The following CHSY3 variants were observed in gnomAD, a reference collection of about 807,000 sequenced individuals.
CHSY3 encodes the protein N-acetylgalactosaminyl-proteoglycan 3-beta-glucuronosyltransferase 3.
In CHSY3, 35 loss-of-function variants were observed where a neutral mutation model predicts 67.2. The ratio of observed to expected loss-of-function variants is 0.52; its 90% confidence interval spans 0.40 to 0.69. CHSY3 has a LOEUF of 0.69. Among genes scored for constraint, CHSY3 ranks in the 30% least tolerant of loss-of-function variants. The pLI is 0.00. For missense variants in CHSY3, 1,069 were observed against 1,138.5 expected (o/e 0.94, Z 0.88); for synonymous variants, 474 against 434.7 (o/e 1.09, Z -1.12).
chr5:129,989,805 A>C (rs1763308200), intron 2 of CHSY3, among the ~76,000 whole-genome samples: 1 of 152,192 alleles, frequency 6.6e-6, no homozygotes, highest in South Asian at 2.1e-4. Context: ...TTACTTTGGT[A>C]AGTTAATGAG....
At chr5:130,148,374 A>C (rs1309123596) in intron 2 of CHSY3, among the ~76,000 whole-genome samples, 1 of 152,100 alleles carries the variant, frequency 6.6e-6, no homozygotes, top group Non-Finnish European at 1.5e-5. Flanking sequence ...ATGTGTCTTT[A>C]TGGTAGAATG....
At chr5:130,052,706 C>T (rs1282754025) in intron 2 of CHSY3, among the ~76,000 whole-genome samples, 2 of 152,060 alleles carry the variant, frequency 1.3e-5, no homozygotes, top group Non-Finnish European at 2.9e-5. Context: ...GAGCCTATGT[C>T]TTTTATCCAA....
chr5:130,063,158 T>C (rs1365528717), intron 2 of CHSY3, among the ~76,000 whole-genome samples: 13 of 152,302 alleles, frequency 8.5e-5, no homozygotes, highest in African/African-American at 2.9e-4. Context: ...TTTTTTATTG[T>C]ATGCATGTAA....
chr5:129,958,578 T>G (rs80178937), intron 2 of CHSY3, among the ~76,000 whole-genome samples: 4,145 of 152,276 alleles, frequency 0.027, 192 homozygotes, highest in African/African-American at 0.093. Flanking sequence ...TTACCCAGCC[T>G]GGAGTGCAGC....
chr5:130,169,851 A>G (rs1580796869), intron 2 of CHSY3, among the ~76,000 whole-genome samples: 1 of 152,266 alleles, frequency 6.6e-6, no homozygotes, highest in East Asian at 1.9e-4. Context: ...AAAGGGAGGT[A>G]TGATTTTATG....
chr5:129,928,822 G>T (rs1199395798), intron 2 of CHSY3, among the ~76,000 whole-genome samples: 1 of 152,014 alleles, frequency 6.6e-6, no homozygotes, highest in Non-Finnish European at 1.5e-5. Flanking sequence ...GCTGTGTACT[G>T]GGTGCTTTAA....
chr5:129,990,198 A>G, intron 2 of CHSY3, among the ~76,000 whole-genome samples: 1 of 152,168 alleles, frequency 6.6e-6, no homozygotes, highest in Non-Finnish European at 1.5e-5. Flanking sequence ...ATAATGTAAA[A>G]GAATGTCTAA....
intron 2 of CHSY3, among the ~76,000 whole-genome samples, chr5:130,020,951 A>G (rs1193245609): frequency 6.6e-6 from 1 of 152,144 alleles, no homozygotes; most frequent in African/African-American, 2.4e-5. Flanking sequence ...TCTTAAGAGA[A>G]GGAGCCATGT....
At chr5:130,051,132 C>T (rs1351221287) in intron 2 of CHSY3, among the ~76,000 whole-genome samples, 1 of 151,548 alleles carries the variant, frequency 6.6e-6, no homozygotes, top group Non-Finnish European at 1.5e-5. Context: ...ATACCAAACT[C>T]TTAACAATGG....
At chr5:129,963,197 G>A (rs183407939) in intron 2 of CHSY3, among the ~76,000 whole-genome samples, 1 of 151,938 alleles carries the variant, frequency 6.6e-6, no homozygotes, top group African/African-American at 2.4e-5. Context: ...TATTTCCCAG[G>A]CTTGGAAAGT....
intron 2 of CHSY3, among the ~76,000 whole-genome samples, chr5:129,961,864 C>T (rs573925145): frequency 2.0e-5 from 3 of 152,060 alleles, no homozygotes; most frequent in East Asian, 3.9e-4. Context: ...TCTCTATTCT[C>T]ATGCTTTTTA....
intron 2 of CHSY3, among the ~76,000 whole-genome samples, chr5:129,982,904 T>C (rs1238519030): frequency 6.6e-6 from 1 of 152,108 alleles, no homozygotes; most frequent in Non-Finnish European, 1.5e-5. Flanking sequence ...TAAGCGAATA[T>C]ACATAAAAGG....
chr5:130,059,536 A>G (rs1428963198), intron 2 of CHSY3, among the ~76,000 whole-genome samples: 1 of 151,672 alleles, frequency 6.6e-6, no homozygotes, highest in Non-Finnish European at 1.5e-5. Context: ...TCCAACTTGC[A>G]TACTCTGGGA....
chr5:130,173,155 C>T (rs540190469), intron 2 of CHSY3, among the ~76,000 whole-genome samples: 1 of 152,030 alleles, frequency 6.6e-6, no homozygotes, highest in South Asian at 2.1e-4. Context: ...AAGGCAGCAA[C>T]AAAAATTACG....
chr5:130,062,890 A>AT (rs922746525), intron 2 of CHSY3, among the ~76,000 whole-genome samples: 9 of 152,044 alleles, frequency 5.9e-5, no homozygotes, highest in Non-Finnish European at 1.2e-4. Flanking sequence ...AAAAATATAG[A>AT]TTTTTTTTAC....
At chr5:129,988,813 G>A (rs1004826422) in intron 2 of CHSY3, among the ~76,000 whole-genome samples, 7 of 152,264 alleles carry the variant, frequency 4.6e-5, no homozygotes, top group African/African-American at 1.4e-4. Flanking sequence ...TTTCTAAAAT[G>A]TGATTTTTCT....
chr5:130,160,653 A>C (rs1369143912), intron 2 of CHSY3, among the ~76,000 whole-genome samples: 2 of 152,098 alleles, frequency 1.3e-5, no homozygotes, highest in Non-Finnish European at 2.9e-5. Flanking sequence ...AATTAAATGC[A>C]ATGTCCTAAC....
intron 2 of CHSY3, among the ~76,000 whole-genome samples, chr5:129,934,303 A>G (rs1761420683): frequency 6.6e-6 from 1 of 152,244 alleles, no homozygotes; most frequent in South Asian, 2.1e-4. Flanking sequence ...TGGGGGCACT[A>G]CCTTGAACTC....
chr5:129,914,826 A>C (rs573375401), intron 2 of CHSY3, among the ~76,000 whole-genome samples: 1 of 152,238 alleles, frequency 6.6e-6, no homozygotes, highest in South Asian at 2.1e-4. Flanking sequence ...GCTTTCTAAG[A>C]AGATGATTTA....
Sources: gnomAD v4.1 joint callset for allele counts (sites outside exome capture counted in the v4.1 genomes callset) on GRCh38, gnomAD v4.1.1 for gene constraint, MANE v1.5 for transcripts, NCBI Gene and HGNC (gene_info 2026-07-23, HGNC 2026-07-21) for gene names.